Variants in RTN1 observed in about 807,000 individuals in gnomAD.
RTN1 encodes the protein reticulon 1.
Under a neutral mutation model 65.5 loss-of-function variants are expected in RTN1, and 25 were observed. The observed-to-expected ratio is 0.38, with a 90% CI of 0.28 to 0.53. The LOEUF is 0.53. RTN1 is among the 20% of genes least tolerant of loss of function. The pLI is 0.79. For synonymous variants in RTN1, 471 were observed against 447.6 expected (o/e 1.05, Z -0.66); for missense variants, 983 against 1,025.4 (o/e 0.96, Z 0.57).
intron 3 of RTN1, among the ~76,000 whole-genome samples, chr14:59,702,266 A>C (rs1884195877): frequency 6.6e-6 from 1 of 152,226 alleles, no homozygotes; most frequent in Non-Finnish European, 1.5e-5. Context: ...CCCTGTGAAT[A>C]CACTGTACAA....
At chr14:59,706,911 T>C (rs915717067) in intron 3 of RTN1, among the ~76,000 whole-genome samples, 4 of 152,220 alleles carry the variant, frequency 2.6e-5, no homozygotes, top group African/African-American at 9.6e-5. Flanking sequence ...AAATATTCTA[T>C]ATGTATTATT....
rs117359872 is a variant in RTN1, at chr14:59,843,010, C to T, written c.241+27380G>A. On this transcript the variant is annotated intron_variant, in intron 1 of 8. Transcript: ENST00000267484. Reference sequence around the variant, plus strand: ...TACATACTCAAGAGAAATGTTTCCACAGGTTCACAAAATATGTTCAAGAAT... The same window carrying T: ...TACATACTCAAGAGAAATGTTTCCATAGGTTCACAAAATATGTTCAAGAAT... 4.3e-3 allele frequency among the ~76,000 whole-genome samples: 648 copies of T among 152,320 alleles called. 2 individuals carry two copies. Among genetic ancestry groups the T allele is most frequent in the Non-Finnish European group, 7.5e-3 (512 of 68,014 alleles).
chr14:59,742,530 C>G (rs991627127), intron 2 of RTN1, among the ~76,000 whole-genome samples: 1 of 152,098 alleles, frequency 6.6e-6, no homozygotes, highest in African/African-American at 2.4e-5. Context: ...GAGAACGTTA[C>G]AAAATGGAAT....
intron 1 of RTN1, among the ~76,000 whole-genome samples, chr14:59,826,591 CAA>C (rs1887035509): frequency 6.6e-6 from 1 of 152,170 alleles, no homozygotes; most frequent in African/African-American, 2.4e-5. Flanking sequence ...ATGAGAAAGA[CAA>C]AGATCGCAAA....
intron 3 of RTN1, among the ~76,000 whole-genome samples, chr14:59,717,424 G>A (rs1272531550): frequency 6.6e-6 from 1 of 152,154 alleles, no homozygotes; most frequent in African/African-American, 2.4e-5. Flanking sequence ...ACTCTTGATT[G>A]TGAGTGGAAG....
At chr14:59,730,322 A>G (rs1303640814) in intron 2 of RTN1, among the ~76,000 whole-genome samples, 1 of 152,214 alleles carries the variant, frequency 6.6e-6, no homozygotes, top group East Asian at 1.9e-4. Flanking sequence ...GGATAACCAC[A>G]AGAAAAAGAA....
At chr14:59,600,076 C>CTCT (rs1203889787) in intron 8 of RTN1, among the ~76,000 whole-genome samples, 1 of 152,066 alleles carries the variant, frequency 6.6e-6, no homozygotes, top group African/African-American at 2.4e-5. Context: ...ATTTTCAAAA[C>CTCT]TCTAAGAAGT....
chr14:59,763,033 TAGAA>T (rs1345641442), intron 1 of RTN1, among the ~76,000 whole-genome samples: 2 of 152,144 alleles, frequency 1.3e-5, no homozygotes, highest in African/African-American at 4.8e-5. Flanking sequence ...TTTATAAAAA[TAGAA>T]AGATGTGAAT....
intron 8 of RTN1, among the ~76,000 whole-genome samples, chr14:59,602,557 C>A (rs1487093637): frequency 6.6e-6 from 1 of 152,018 alleles, no homozygotes; most frequent in African/African-American, 2.4e-5. Flanking sequence ...CACATACACA[C>A]AGTTGTCGAG....
intron 1 of RTN1, among the ~76,000 whole-genome samples, chr14:59,797,007 A>C (rs1323731205): frequency 1.3e-5 from 2 of 152,186 alleles, no homozygotes; most frequent in Admixed American, 6.5e-5. Context: ...TCAATTGCAA[A>C]TTATTATAAT....
chr14:59,751,627 G>C (rs950083556), intron 1 of RTN1, among the ~76,000 whole-genome samples: 1 of 152,130 alleles, frequency 6.6e-6, no homozygotes, highest in Non-Finnish European at 1.5e-5. Context: ...AGACATAGCA[G>C]GTGGTTTATT....
intron 4 of RTN1, among the ~76,000 whole-genome samples, chr14:59,607,032 G>T (rs949426668): frequency 2.6e-5 from 4 of 152,180 alleles, no homozygotes; most frequent in African/African-American, 9.7e-5. Context: ...GTAATTGTTG[G>T]ATTATGATTA....
chr14:59,755,078 G>C (rs1885609924), intron 1 of RTN1, among the ~76,000 whole-genome samples: 1 of 152,126 alleles, frequency 6.6e-6, no homozygotes. Context: ...TGACTCGCTA[G>C]GGTTGAGATA....
chr14:59,712,057 G>A (rs1884431414), intron 3 of RTN1, among the ~76,000 whole-genome samples: 1 of 152,136 alleles, frequency 6.6e-6, no homozygotes, highest in Non-Finnish European at 1.5e-5. Context: ...CTGAATAAAG[G>A]AAAGCCTCCA....
intron 3 of RTN1, among the ~76,000 whole-genome samples, chr14:59,616,567 A>C (rs867137141): frequency 3.8e-4 from 58 of 152,186 alleles, no homozygotes; most frequent in African/African-American, 1.2e-3. Context: ...AAATTATGGG[A>C]AACTTCTATA....
At chr14:59,705,527 A>G (rs1884272608) in intron 3 of RTN1, among the ~76,000 whole-genome samples, 1 of 152,218 alleles carries the variant, frequency 6.6e-6, no homozygotes, top group Admixed American at 6.5e-5. Context: ...TACTGTGATT[A>G]CTTTAGGACA....
intron 3 of RTN1, among the ~76,000 whole-genome samples, chr14:59,612,745 C>A (rs780091966): frequency 2.4e-4 from 36 of 152,136 alleles, no homozygotes; most frequent in Middle Eastern, 3.2e-3. Context: ...TGTGACCATG[C>A]GGGGATACTT....
chr14:59,818,415 A>G (rs1047158617), intron 1 of RTN1, among the ~76,000 whole-genome samples: 2 of 152,226 alleles, frequency 1.3e-5, no homozygotes, highest in African/African-American at 4.8e-5. Context: ...GGGGACTCCT[A>G]GGAAATAAGA....
chr14:59,633,421 A>G (rs138736907), intron 3 of RTN1, among the ~76,000 whole-genome samples: 1 of 152,262 alleles, frequency 6.6e-6, no homozygotes, highest in Non-Finnish European at 1.5e-5. Context: ...TCATAATTAT[A>G]ATACAAATAA....
Sources: allele counts gnomAD v4.1 joint callset (sites outside exome capture counted in the v4.1 genomes callset), GRCh38; gene constraint gnomAD v4.1.1; transcripts MANE v1.5; gene names NCBI Gene and HGNC (gene_info 2026-07-23, HGNC 2026-07-21).